TMCO5A: variants seen among roughly 807,000 people sequenced by gnomAD.
TMCO5A encodes the protein transmembrane and coiled-coil domains 5A, also known as transmembrane and coiled-coil domain-containing protein 5A.
A neutral mutation model predicts 42.3 loss-of-function variants in TMCO5A; 34 were observed. The observed-to-expected ratio is 0.80, with a 90% CI of 0.61 to 1.07. The LOEUF is 1.07. TMCO5A is among the 50% of genes least tolerant of loss of function. The pLI is 0.00. For synonymous variants in TMCO5A, 131 were observed against 115.6 expected (o/e 1.13, Z -0.86); for missense variants, 357 against 327.9 (o/e 1.09, Z -0.69).
At chr15:37,978,102 G>A in the TMCO5A span, among the ~76,000 whole-genome samples, 10 of 152,220 alleles carry the variant, frequency 6.6e-5, no homozygotes, top group Non-Finnish European at 1.5e-4. Flanking sequence ...GAGAAACACA[G>A]CCACTGCCAA....
intron 10 of TMCO5A, chr15:37,944,505 G>A (rs1343628157): frequency 6.6e-6 from 1 of 152,056 alleles, no homozygotes; most frequent in Non-Finnish European, 1.5e-5. Context: ...CTGACTGTTT[G>A]GCAGGCCATG....
the TMCO5A span, among the ~76,000 whole-genome samples, chr15:37,982,153 A>G: frequency 6.6e-6 from 1 of 152,208 alleles, no homozygotes; most frequent in African/African-American, 2.4e-5. Context: ...TTGAGCTTCA[A>G]GAGAATAGAT....
intron 10 of TMCO5A, among the ~76,000 whole-genome samples, chr15:37,945,223 C>T (rs1465236710): frequency 1.3e-5 from 2 of 152,136 alleles, no homozygotes; most frequent in South Asian, 2.1e-4. Context: ...TTTTTATGGC[C>T]GCATAGTATT....
chr15:37,989,263 A>G, the TMCO5A span, among the ~76,000 whole-genome samples: 1 of 151,794 alleles, frequency 6.6e-6, no homozygotes, highest in African/African-American at 2.4e-5. Context: ...TAAAGAATCA[A>G]CTTTTGGTTA....
At chr15:37,976,793 C>CTTTTTTTTTTTTTTTTTTTTTTTTTTT in the TMCO5A span, among the ~76,000 whole-genome samples, 1 of 116,850 alleles carries the variant, frequency 8.6e-6, no homozygotes, top group African/African-American at 3.5e-5. Context: ...TTTCTTCTTT[C>CTTTTTTTTTTTTTTTTTTTTTTTTTTT]TTTTTTTTTT....
chr15:37,999,924 G>T, the TMCO5A span, among the ~76,000 whole-genome samples: 2 of 152,078 alleles, frequency 1.3e-5, no homozygotes, highest in East Asian at 3.9e-4. Context: ...AATTTGGTTT[G>T]CTAGTATTTT....
chr15:37,942,360 C>A, intron 9 of TMCO5A, 105 bp downstream of exon 9: 1 of 1,025,368 alleles, frequency 9.8e-7, no homozygotes, highest in South Asian at 1.4e-5. Flanking sequence ...TTGAATGAGT[C>A]CCGACGCCAC....
intron 11 of TMCO5A, among the ~76,000 whole-genome samples, chr15:37,958,880 C>T (rs961552731): frequency 6.6e-6 from 1 of 152,092 alleles, no homozygotes; most frequent in African/African-American, 2.4e-5. Flanking sequence ...AAATGCTCAT[C>T]AATGATACAC....
intron 11 of TMCO5A, among the ~76,000 whole-genome samples, chr15:37,962,301 T>C (rs2140816496): frequency 1.3e-5 from 2 of 152,236 alleles, no homozygotes; most frequent in South Asian, 4.1e-4. Context: ...GATGATCATG[T>C]GATTTTGGTT....
the TMCO5A span, among the ~76,000 whole-genome samples, chr15:37,974,817 G>T: frequency 1.1e-3 from 168 of 152,118 alleles, no homozygotes; most frequent in African/African-American, 3.6e-3. Flanking sequence ...TGTTTCTCTA[G>T]TTACTCTAGG....
Position 37,951,285 on chromosome 15 carries a change from G to A in TMCO5A, c.*51G>A, listed in dbSNP as rs1218036984. ...TAGAAGGGAAGTGGGATCCGAGCCT[G>A]TAGAAGGGAGGCATGAAACTTGTGG... On this transcript the variant is annotated 3_prime_UTR_variant, in exon 12 of 12. Transcript: ENST00000319669. 1 of 1,554,796 alleles carries A rather than the reference G, an allele frequency of 6.4e-7. No individual in the cohort carries two copies. Among genetic ancestry groups the A allele is most frequent in the Non-Finnish European group, 8.8e-7 (1 of 1,133,718 alleles).
the TMCO5A span, among the ~76,000 whole-genome samples, chr15:37,975,842 T>C: frequency 2.0e-5 from 3 of 151,264 alleles, no homozygotes; most frequent in East Asian, 3.8e-4. Flanking sequence ...CTTCAGTGTG[T>C]TTTTGTGGCG....
chr15:37,985,265 G>A, the TMCO5A span, among the ~76,000 whole-genome samples: 1 of 152,184 alleles, frequency 6.6e-6, no homozygotes, highest in South Asian at 2.1e-4. Context: ...GAAGGTTATA[G>A]AATTCCACCA....
the TMCO5A span, among the ~76,000 whole-genome samples, chr15:38,026,940 G>A: frequency 2.6e-4 from 39 of 152,296 alleles, no homozygotes; most frequent in Admixed American, 8.5e-4. Context: ...GGGAACCTCC[G>A]CCTAGATTTT....
At chr15:37,961,156 G>T (rs1268898535) in intron 11 of TMCO5A, among the ~76,000 whole-genome samples, 2 of 152,058 alleles carry the variant, frequency 1.3e-5, no homozygotes, top group African/African-American at 4.8e-5. Flanking sequence ...TTTTCTTCTA[G>T]AATTTTTATA....
chr15:37,959,460 T>C (rs1890368652), intron 11 of TMCO5A, among the ~76,000 whole-genome samples: 1 of 151,712 alleles, frequency 6.6e-6, no homozygotes, highest in Non-Finnish European at 1.5e-5. Flanking sequence ...CTCCACAAAA[T>C]ACTAGCAAAC....
chr15:37,940,302 C>T lies in TMCO5A; in HGVS notation c.388-847C>T, dbSNP rs946961837. Among the ~76,000 whole-genome samples the T allele has an allele frequency of 8.5e-5, 13 of 152,130 alleles. No homozygotes were observed. The South Asian group carries it at 1.9e-3, about 22-fold the overall frequency. On this transcript the variant is annotated intron_variant, in intron 6 of 11. Coordinates refer to ENST00000319669, the MANE Select transcript of TMCO5A (RefSeq NM_152453.4). ...CTGTCTACCTTATCCCACCCTGTCT[C>T]GGCCCTACCTACCAATTTCCCTTAT...
At chr15:37,959,370 C>A (rs1324005229) in intron 11 of TMCO5A, among the ~76,000 whole-genome samples, 1 of 151,802 alleles carries the variant, frequency 6.6e-6, no homozygotes, top group Non-Finnish European at 1.5e-5. Context: ...TCAATATTAC[C>A]CTGACACCAA....
the TMCO5A span, among the ~76,000 whole-genome samples, chr15:37,999,185 C>A: frequency 2.5e-4 from 38 of 152,296 alleles, 2 homozygotes; most frequent in African/African-American, 8.7e-4. Flanking sequence ...GGATTACAGG[C>A]GTGAGCCACC....
Sources: gnomAD v4.1 joint callset for allele counts (sites outside exome capture counted in the v4.1 genomes callset) on GRCh38, gnomAD v4.1.1 for gene constraint, MANE v1.5 for transcripts, NCBI Gene and HGNC (gene_info 2026-07-23, HGNC 2026-07-21) for gene names.